PDE6D: variants seen among roughly 807,000 people sequenced by gnomAD.
PDE6D encodes the protein phosphodiesterase 6D.
Under a neutral mutation model 21.9 loss-of-function variants are expected in PDE6D, and 10 were observed. The observed-to-expected ratio is 0.46, with a 90% CI of 0.28 to 0.78. The LOEUF is 0.78. Among genes scored for constraint, PDE6D ranks in the 30% least tolerant of loss-of-function variants. The probability of loss-of-function intolerance (pLI) is 0.12; values close to 1 mark genes in which losing one functional copy is unlikely to be tolerated. For synonymous variants in PDE6D, 59 were observed against 63.5 expected, an observed-to-expected ratio of 0.93 and a Z score of 0.34; for missense variants, 139 against 184.8, an observed-to-expected ratio of 0.75 and a Z score of 1.44.
chr2:231,743,726 T>TA (rs397788880), intron 1 of PDE6D, among the ~76,000 whole-genome samples: 2 of 151,830 alleles, frequency 1.3e-5, no homozygotes, highest in African/African-American at 4.8e-5. Context: ...TTTTTTTTTT[T>TA]AAACAACTAA....
intron 1 of PDE6D, among the ~76,000 whole-genome samples, chr2:231,769,964 C>T (rs2049002021): frequency 6.6e-6 from 1 of 152,150 alleles, no homozygotes; most frequent in Non-Finnish European, 1.5e-5. Context: ...GAAAAGGTTT[C>T]AAAATGAAAC....
chr2:231,750,022 C>A (rs2048825311), intron 1 of PDE6D, among the ~76,000 whole-genome samples: 1 of 152,038 alleles, frequency 6.6e-6, no homozygotes, highest in Admixed American at 6.6e-5. Context: ...TCCCAGAATT[C>A]CCAAGTGTTG....
At chr2:231,742,504 TTTG>T (rs1335910075) in intron 1 of PDE6D, among the ~76,000 whole-genome samples, 4 of 152,216 alleles carry the variant, frequency 2.6e-5, no homozygotes, top group Non-Finnish European at 4.4e-5. Flanking sequence ...TAAGGTTTTT[TTTG>T]TTTTGTTTTA....
At chr2:231,750,441 G>T (rs1221120148) in intron 1 of PDE6D, among the ~76,000 whole-genome samples, 2 of 147,356 alleles carry the variant, frequency 1.4e-5, no homozygotes, top group Non-Finnish European at 3.0e-5. Flanking sequence ...TATGGTCTTA[G>T]TTATATATGT....
intron 3 of PDE6D, 126 bp downstream of exon 3, chr2:231,737,887 G>A: frequency 1.1e-6 from 1 of 935,890 alleles, no homozygotes; most frequent in Non-Finnish European, 1.6e-6. Flanking sequence ...CAGAGTGTAG[G>A]AATCCTACCA....
chr2:231,737,090 C>A, intron 4 of PDE6D, 97 bp downstream of exon 4: 2 of 653,550 alleles, frequency 3.1e-6, no homozygotes, highest in Non-Finnish European at 5.5e-6. Flanking sequence ...ATTTCTCAAC[C>A]GAGCTCTCTG....
At position 231,747,101 on chromosome 2, in the gene PDE6D, T is replaced by C. The variant is rs1015668851; in HGVS notation, c.51-7913A>G. Among the ~76,000 whole-genome samples, 3 of 152,212 alleles carry C rather than the reference T, an allele frequency of 2.0e-5. No homozygotes were observed. The South Asian group carries it at 6.2e-4, about 32-fold the overall frequency. Reference sequence around the variant, plus strand: ...ATCATCCAAACGATGATACTTTTTTTCTTTTGAGATGGAGTTTCGCTCTTT... The same window carrying C: ...ATCATCCAAACGATGATACTTTTTTCCTTTTGAGATGGAGTTTCGCTCTTT... On this transcript the variant is annotated intron_variant, in intron 1 of 4. Transcript: ENST00000287600.
At chr2:231,743,271 A>T (rs755090222) in intron 1 of PDE6D, among the ~76,000 whole-genome samples, 2 of 151,972 alleles carry the variant, frequency 1.3e-5, no homozygotes, top group Admixed American at 1.3e-4. Context: ...TAAAAATACA[A>T]GAATTAGCTG....
chr2:231,762,986 G>T (rs7564574), intron 1 of PDE6D, among the ~76,000 whole-genome samples: 1 of 151,904 alleles, frequency 6.6e-6, no homozygotes, highest in East Asian at 1.9e-4. Flanking sequence ...AGCATTTGGT[G>T]GTATGCTCCA....
At chr2:231,778,553 T>C (rs1417758387) in intron 1 of PDE6D, among the ~76,000 whole-genome samples, 1 of 152,262 alleles carries the variant, frequency 6.6e-6, no homozygotes, top group Non-Finnish European at 1.5e-5. Flanking sequence ...ATGCTCACTG[T>C]GGATCAGGTG....
intron 1 of PDE6D, among the ~76,000 whole-genome samples, chr2:231,773,450 C>T (rs948786754): frequency 6.6e-6 from 1 of 152,142 alleles, no homozygotes; most frequent in Non-Finnish European, 1.5e-5. Context: ...ACCTCAAATT[C>T]ATTTTTAACA....
chr2:231,751,665 C>T lies in PDE6D; in HGVS notation c.51-12477G>A, dbSNP rs13392965. Among the ~76,000 whole-genome samples, 1,249 of 152,250 alleles carry T rather than the reference C, an allele frequency of 8.2e-3. 12 individuals are homozygous for T. The highest frequency in any genetic ancestry group is 0.029 in the African/African-American group (1,202 of 41,536). On this transcript the variant is annotated intron_variant, in intron 1 of 4. Coordinates refer to ENST00000287600, the MANE Select transcript of PDE6D (RefSeq NM_002601.4). Reference sequence around the variant, plus strand: ...CTGGTCAGGTATTTTGTAGGATATCCATAAACTGGTATTTAATGTTTTTCT... The same window carrying T: ...CTGGTCAGGTATTTTGTAGGATATCTATAAACTGGTATTTAATGTTTTTCT...
In PDE6D at chr2:231,739,478, A is replaced by C. The variant is rs1432381758; in HGVS notation, c.51-290T>G. The stretch of plus-strand genomic sequence containing the variant: ...AATAGTGCAAAATTTAAAATTTACC[A>C]ACAGGATCTGACCAACCAAGATAAA... On this transcript the variant is annotated intron_variant, in intron 1 of 4. Coordinates refer to ENST00000287600, the MANE Select transcript of PDE6D (RefSeq NM_002601.4). The surrounding 1 kb of genome is among the most constrained non-coding windows in gnomAD (Gnocchi z 4.2). 6.6e-6 allele frequency among the ~76,000 whole-genome samples: 1 copy of C among 152,250 alleles called. No individual in the cohort carries two copies. Among genetic ancestry groups the C allele is most frequent in the Non-Finnish European group, 1.5e-5 (1 of 68,046 alleles).
intron 3 of PDE6D, chr2:231,737,697 C>T (rs1438529729): frequency 2.8e-5 from 9 of 323,560 alleles, no homozygotes; most frequent in African/African-American, 1.9e-4. Flanking sequence ...CTGTATGATA[C>T]TGTATGTAGA....
intron 1 of PDE6D, among the ~76,000 whole-genome samples, chr2:231,768,085 T>G (rs1264602758): frequency 6.6e-6 from 1 of 152,024 alleles, no homozygotes; most frequent in Non-Finnish European, 1.5e-5. Flanking sequence ...GCTCAAGGGA[T>G]CCATACACCT....
At chr2:231,777,775 A>T (rs1423019116) in intron 1 of PDE6D, among the ~76,000 whole-genome samples, 1 of 152,244 alleles carries the variant, frequency 6.6e-6, no homozygotes, top group Non-Finnish European at 1.5e-5. Context: ...CTACTTAGTA[A>T]ATAGTACTGG....
At chr2:231,761,098 A>C (rs1226987081) in intron 1 of PDE6D, among the ~76,000 whole-genome samples, 1 of 152,152 alleles carries the variant, frequency 6.6e-6, no homozygotes, top group Admixed American at 6.6e-5. Context: ...CTCTTCTGAG[A>C]CCATTTCTAT....
chr2:231,781,030 G>T, intron 1 of PDE6D, 35 bp downstream of exon 1: 1 of 1,593,926 alleles, frequency 6.3e-7, no homozygotes, highest in Non-Finnish European at 8.6e-7. Flanking sequence ...CGCCTCCCAA[G>T]TCCTCCCGGC....
In PDE6D at chr2:231,780,950, C is replaced by CCGCGGCCCTTCTTCTGTGGGGCCG. The variant is rs2049114945; in HGVS notation, c.50+114_50+115insCGGCCCCACAGAAGAAGGGCCGCG. On this transcript the variant is annotated intron_variant, in intron 1 of 4. Transcript: ENST00000287600. Reference sequence around the variant, plus strand: ...CACGCTGTTCCTTTCCTCTCCCCTCCCGCGGCCCTTCTTCTGTGGGGCCCA... The same window carrying CCGCGGCCCTTCTTCTGTGGGGCCG: ...CACGCTGTTCCTTTCCTCTCCCCTCCCGCGGCCCTTCTTCTGTGGGGCCGCGCGGCCCTTCTTCTGTGGGGCCCA... 4.3e-6 allele frequency: 4 copies of CCGCGGCCCTTCTTCTGTGGGGCCG among 934,564 alleles called. No individual in the cohort carries two copies. The African/African-American group carries it at 6.7e-5, about 16-fold the overall frequency. The allele number at this position is 934,564 out of a possible 1,614,324, so 57.9% of individuals were successfully genotyped here. A position where few individuals can be genotyped will look rare whatever the true frequency, so the allele number is the denominator to read the frequency against.
Sources: allele counts gnomAD v4.1 joint callset (sites outside exome capture counted in the v4.1 genomes callset), GRCh38; gene constraint gnomAD v4.1.1; non-coding constraint Gnocchi (gnomAD v3.1); transcripts MANE v1.5; gene names NCBI Gene and HGNC (gene_info 2026-07-23, HGNC 2026-07-21).